Variants in DNER observed in about 807,000 individuals in gnomAD.
The protein encoded by DNER is delta and Notch-like epidermal growth factor-related receptor.
Under a neutral mutation model 78.2 loss-of-function variants are expected in DNER, and 33 were observed. The ratio of observed to expected loss-of-function variants is 0.42; its 90% CI spans 0.32 to 0.56. The LOEUF (loss-of-function observed/expected upper bound fraction) is 0.56. DNER is among the 20% of genes least tolerant of loss of function. The pLI, the probability that DNER is intolerant of heterozygous loss-of-function variation, is 0.11. For synonymous variants in DNER, 417 were observed against 384.8 expected (o/e 1.08, Z -0.98); for missense variants, 918 against 975.3 (o/e 0.94, Z 0.78).
intron 4 of DNER, among the ~76,000 whole-genome samples, chr2:229,561,107 T>G (rs1438544829): frequency 1.3e-5 from 2 of 152,194 alleles, no homozygotes; most frequent in Non-Finnish European, 2.9e-5. Flanking sequence ...AGCAAATTGC[T>G]TTTTGGAAAA....
In DNER at chr2:229,477,187, G is replaced by T. The variant is rs746025069; in HGVS notation, c.1214C>A (p.Ala405Glu). The change falls in exon 7 of 13, where the codon GCA (alanine) becomes GAA (glutamate). Residue 405 changes from alanine (A) to glutamate (E), a missense_variant. By Grantham distance (107) the Ala-to-Glu change is moderately radical. Coordinates refer to ENST00000341772, the MANE Select transcript of DNER (RefSeq NM_139072.4). ...TCCACTGAGACTGGAAATGCATGTT[G>T]CTCCATTTCTGCATGGGTCTAGGAT... ...YCILDPCRNG[A>E]TCISSLSGFT... 3.7e-6 allele frequency: 6 copies of T among 1,613,868 alleles called. No homozygotes were observed. The African/African-American group carries it at 8.0e-5, about 22-fold the overall frequency.
chr2:229,615,686 TGG>T (rs1698145242), intron 1 of DNER, among the ~76,000 whole-genome samples: 1 of 152,022 alleles, frequency 6.6e-6, no homozygotes, highest in Non-Finnish European at 1.5e-5. Context: ...CACTCTAGCC[TGG>T]GCAACAAAGC....
At chr2:229,590,665 A>G (rs1297796835) in intron 2 of DNER, among the ~76,000 whole-genome samples, 1 of 152,184 alleles carries the variant, frequency 6.6e-6, no homozygotes, top group Non-Finnish European at 1.5e-5. Flanking sequence ...GCCTTCTACC[A>G]TGTGAGGTTA....
At chr2:229,633,421 T>C (rs1236588744) in intron 1 of DNER, among the ~76,000 whole-genome samples, 5 of 152,240 alleles carry the variant, frequency 3.3e-5, no homozygotes, top group Admixed American at 6.5e-5. Context: ...CATGGATATT[T>C]TTCTCTTTCT....
At chr2:229,471,847 G>A (rs1158723067) in intron 7 of DNER, among the ~76,000 whole-genome samples, 2 of 152,188 alleles carry the variant, frequency 1.3e-5, no homozygotes, top group African/African-American at 4.8e-5. Flanking sequence ...CTTGTCAAAA[G>A]AGGTAGGTCC....
chr2:229,586,596 T>TCAACCC (rs1264033545), intron 3 of DNER: 126 of 767,814 alleles, frequency 1.6e-4, no homozygotes, highest in Non-Finnish European at 1.6e-4. Flanking sequence ...AGAAAGCCCA[T>TCAACCC]CAACCCCAAC....
intron 1 of DNER, among the ~76,000 whole-genome samples, chr2:229,653,117 C>A (rs896525896): frequency 1.3e-5 from 2 of 152,316 alleles, no homozygotes; most frequent in African/African-American, 4.8e-5. Flanking sequence ...TGTACTCTTC[C>A]CCATTGCACT....
intron 5 of DNER, among the ~76,000 whole-genome samples, chr2:229,527,934 C>A (rs1485642820): frequency 6.6e-6 from 1 of 152,160 alleles, no homozygotes; most frequent in African/African-American, 2.4e-5. Context: ...AGCTTCAAAG[C>A]AATGGCTAAA....
chr2:229,670,147 A>G (rs1699183138), intron 1 of DNER, among the ~76,000 whole-genome samples: 1 of 152,100 alleles, frequency 6.6e-6, no homozygotes, highest in Non-Finnish European at 1.5e-5. Context: ...TGTGGACAGA[A>G]AAAACTGAGG....
intron 4 of DNER, among the ~76,000 whole-genome samples, chr2:229,551,627 C>T (rs1242104160): frequency 6.6e-6 from 1 of 150,802 alleles, no homozygotes; most frequent in Non-Finnish European, 1.5e-5. Context: ...AGAGTGAAAC[C>T]CCGTTTAAAA....
At position 229,429,028 on chromosome 2, in the gene DNER, GC is replaced by G. The variant is rs1693947186; in HGVS notation, c.1487-10799del. Among the ~76,000 whole-genome samples the G allele has an allele frequency of 2.0e-5, 3 of 152,166 alleles. 1 individual carries two copies. The highest frequency in any genetic ancestry group is 4.4e-5 in the Non-Finnish European group (3 of 68,028). ...ATTACACTGGGCAGACAGCAAGGTC[GC>G]TGCCAGAAATGTTGTGGGCCCCTGC... On this transcript the variant is annotated intron_variant, in intron 8 of 12. Transcript: ENST00000341772.
At chr2:229,407,491 A>C (rs915392758) in intron 9 of DNER, 146 bp from the exon 10 acceptor site, 1 of 551,106 alleles carries the variant, frequency 1.8e-6, no homozygotes, top group Non-Finnish European at 3.1e-6. Flanking sequence ...ACACGTGCCC[A>C]CTCATGATTT....
chr2:229,700,511 G>A (rs1699729667), intron 1 of DNER, among the ~76,000 whole-genome samples: 1 of 151,676 alleles, frequency 6.6e-6, no homozygotes, highest in African/African-American at 2.4e-5. Context: ...AATTTTTTGT[G>A]ACATTATTTA....
At chr2:229,407,529 A>C (rs1693415202) in intron 9 of DNER, among the ~76,000 whole-genome samples, 184 bp from the exon 10 acceptor site, 1 of 152,214 alleles carries the variant, frequency 6.6e-6, no homozygotes, top group South Asian at 2.1e-4. Flanking sequence ...TTGCCTTATG[A>C]GAAAGTAACA....
intron 1 of DNER, among the ~76,000 whole-genome samples, chr2:229,693,200 C>T (rs182832747): frequency 6.6e-6 from 1 of 151,710 alleles, no homozygotes; most frequent in African/African-American, 2.4e-5. Context: ...CGGGACTTTT[C>T]CCCCTTCTGC....
chr2:229,692,481 T>C (rs534772840), intron 1 of DNER, among the ~76,000 whole-genome samples: 1 of 152,368 alleles, frequency 6.6e-6, no homozygotes, highest in Admixed American at 6.5e-5. Flanking sequence ...GACTGAATCT[T>C]ATATCACAAG....
At chr2:229,458,135 C>CAAAAAAAAAAA (rs61340733) in intron 7 of DNER, among the ~76,000 whole-genome samples, 4 of 17,716 alleles carry the variant, frequency 2.3e-4, no homozygotes, top group Admixed American at 1.1e-3. Context: ...GACTCTATCT[C>CAAAAAAAAAAA]AAAAAAAAAA....
At chr2:229,438,449 C>T (rs1408438291) in intron 8 of DNER, among the ~76,000 whole-genome samples, 5 of 152,194 alleles carry the variant, frequency 3.3e-5, no homozygotes, top group Admixed American at 1.3e-4. Context: ...ATATCACCTC[C>T]GCCTCCTGTT....
chr2:229,686,848 T>C (rs893843777), intron 1 of DNER, among the ~76,000 whole-genome samples: 1 of 152,236 alleles, frequency 6.6e-6, no homozygotes, highest in Non-Finnish European at 1.5e-5. Flanking sequence ...AAGAGGAGTC[T>C]TTTGTGGACT....
Sources: allele counts gnomAD v4.1 joint callset (sites outside exome capture counted in the v4.1 genomes callset), GRCh38; gene constraint gnomAD v4.1.1; transcripts MANE v1.5; gene names NCBI Gene and HGNC (gene_info 2026-07-23, HGNC 2026-07-21).